PCNX1: variants seen among roughly 807,000 people sequenced by gnomAD.
The protein encoded by PCNX1 is pecanex-like protein 1.
In PCNX1, 78 loss-of-function variants were observed where a neutral mutation model predicts 242.2. That is an observed-to-expected ratio of 0.32 (90% CI 0.27 to 0.39). The LOEUF is 0.39. Ranked by LOEUF, PCNX1 falls within the 10% of genes least tolerant of loss-of-function variation. The pLI is 1.00. For synonymous variants in PCNX1, 1,024 were observed against 1,032.9 expected (o/e 0.99, Z 0.17); for missense variants, 2,581 against 2,856.5 (o/e 0.90, Z 2.20).
At chr14:70,968,104 CA>C in intron 3 of PCNX1, 93 bp from the exon 4 acceptor site, 1 of 851,288 alleles carries the variant, frequency 1.2e-6, no homozygotes, top group East Asian at 2.5e-5. Context: ...ATGTTTTGAT[CA>C]TATAATTTTG....
intron 25 of PCNX1, 53 bp from the exon 26 acceptor site, chr14:71,057,456 T>C (rs777907312): frequency 1.0e-4 from 112 of 1,111,028 alleles, no homozygotes; most frequent in Non-Finnish European, 1.5e-4. Context: ...CAATCTTGTT[T>C]GTCAAGAGGA....
chr14:70,967,625 T>C (rs1469123495), intron 3 of PCNX1, among the ~76,000 whole-genome samples: 1 of 152,226 alleles, frequency 6.6e-6, no homozygotes, highest in African/African-American at 2.4e-5. Context: ...AATTCATTTT[T>C]CATGGATGCC....
chr14:70,931,894 C>T (rs1444550982), intron 1 of PCNX1, among the ~76,000 whole-genome samples: 5 of 152,184 alleles, frequency 3.3e-5, no homozygotes, highest in East Asian at 1.9e-4. Flanking sequence ...GAGGCCAAGG[C>T]GGGCGGATCG....
rs1319602342 is a variant in PCNX1, at chr14:70,949,233, GTGTA to G, written c.362+2112_362+2115del. Reference sequence around the variant, plus strand: ...CACATGTATATATAGATATATGTATGTGTATATACACACGTGTATACACACACAC... The same window carrying G: ...CACATGTATATATAGATATATGTATGTATACACACGTGTATACACACACAC... On this transcript the variant is annotated intron_variant, in intron 2 of 35. Transcript: ENST00000304743. Among the ~76,000 whole-genome samples, 85 of 138,912 alleles carry G rather than the reference GTGTA, an allele frequency of 6.1e-4. 1 individual carries two copies. The highest frequency in any genetic ancestry group is 2.0e-3 in the African/African-American group (75 of 36,712). The allele number at this position is 138,912 out of a possible 152,430, so 91.1% of individuals were successfully genotyped here. A position where few individuals can be genotyped will look rare whatever the true frequency, so the allele number is the denominator to read the frequency against.
intron 26 of PCNX1, among the ~76,000 whole-genome samples, chr14:71,059,697 T>G (rs1471333800): frequency 6.6e-6 from 1 of 152,146 alleles, no homozygotes; most frequent in Non-Finnish European, 1.5e-5. Flanking sequence ...CCAGCCGGGA[T>G]TTTTTTAAAG....
intron 3 of PCNX1, among the ~76,000 whole-genome samples, chr14:70,965,704 A>G (rs2810099): frequency 0.7 from 104,825 of 149,376 alleles, 36,814 homozygotes; most frequent in South Asian, 0.77. Context: ...AAAAATTGCC[A>G]TAGGAATGGT....
chr14:70,998,710 C>T (rs150100165), intron 8 of PCNX1, among the ~76,000 whole-genome samples: 3,786 of 146,654 alleles, frequency 0.026, 67 homozygotes, highest in Middle Eastern at 0.04. Context: ...AAGATTGCGC[C>T]GCTGTACTCC....
chr14:71,010,166 A>G (rs2059783534), intron 9 of PCNX1, among the ~76,000 whole-genome samples: 1 of 152,134 alleles, frequency 6.6e-6, no homozygotes, highest in African/African-American at 2.4e-5. Flanking sequence ...TTTTTAAAAC[A>G]AAAGCTATTC....
chr14:71,012,739 A>G (rs1418424909), intron 10 of PCNX1: 1 of 404,876 alleles, frequency 2.5e-6, no homozygotes, highest in Non-Finnish European at 4.5e-6. Flanking sequence ...AGGCTGAGGC[A>G]GAGAATTGCT....
chr14:71,066,811 A>G (rs1397499168), intron 26 of PCNX1, among the ~76,000 whole-genome samples: 1 of 152,176 alleles, frequency 6.6e-6, no homozygotes, highest in East Asian at 1.9e-4. Context: ...GAGAGGTTTT[A>G]GCATGAAGGG....
intron 5 of PCNX1, among the ~76,000 whole-genome samples, chr14:70,972,142 A>G (rs892384096): frequency 6.6e-6 from 1 of 152,114 alleles, no homozygotes; most frequent in Admixed American, 6.5e-5. Flanking sequence ...GGATTTGGAT[A>G]TACTATGTGA....
At chr14:71,093,613 T>G (rs1042386080) in intron 30 of PCNX1, 1 of 152,228 alleles carries the variant, frequency 6.6e-6, no homozygotes, top group African/African-American at 2.4e-5. Context: ...GAAGAAGAAT[T>G]GGTACTATAT....
At chr14:70,983,725 G>A (rs1339182435) in intron 6 of PCNX1, among the ~76,000 whole-genome samples, 1 of 151,454 alleles carries the variant, frequency 6.6e-6, no homozygotes, top group African/African-American at 2.4e-5. Flanking sequence ...TAGAAATTGG[G>A]CAGTGTTTGG....
At chr14:71,027,089 G>A in intron 15 of PCNX1, 1 of 429,672 alleles carries the variant, frequency 2.3e-6, no homozygotes, top group East Asian at 4.1e-5. Flanking sequence ...GAAAGAGCCA[G>A]GTATAATGAA....
intron 1 of PCNX1, among the ~76,000 whole-genome samples, chr14:70,938,811 G>A (rs1258249802): frequency 6.6e-6 from 1 of 152,118 alleles, no homozygotes; most frequent in African/African-American, 2.4e-5. Context: ...TTCAAAGCCT[G>A]CTATTGGTGT....
At chr14:71,077,536 CAAT>C (rs2141484156) in intron 28 of PCNX1, among the ~76,000 whole-genome samples, 1 of 152,250 alleles carries the variant, frequency 6.6e-6, no homozygotes, top group Admixed American at 6.5e-5. Flanking sequence ...TTTACTCCAT[CAAT>C]AAGAACAGGA....
chr14:70,947,060 A>G lies in PCNX1; in HGVS notation c.299A>G (p.Asp100Gly), dbSNP rs145796882. 66 of 1,613,822 alleles carry G rather than the reference A, an allele frequency of 4.1e-5. 1 individual carries two copies. In the Admixed American group the frequency reaches 8.2e-4, roughly 20 times the overall value. ...VVDRTANEFT[D>G]QRTKAEQGNC... The stretch of plus-strand genomic sequence containing the variant: ...GATAGGACTGCAAATGAGTTCACGG[A>G]TCAGCGAACCAAAGCTGAACAAGGC... Residue 100 changes from aspartate to glycine, a missense_variant, in exon 2 of 36, where the codon GAT becomes GGT. Physicochemically the swap from Asp to Gly is moderately conservative, Grantham distance 94. Transcript: ENST00000304743.
chr14:70,984,487 C>G (rs539064473), intron 6 of PCNX1, among the ~76,000 whole-genome samples: 1 of 150,988 alleles, frequency 6.6e-6, no homozygotes, highest in East Asian at 1.9e-4. Flanking sequence ...TCTGAGTTCA[C>G]GCCATTCTCC....
chr14:71,017,349 T>A (rs1347173932), intron 11 of PCNX1, among the ~76,000 whole-genome samples: 2 of 152,138 alleles, frequency 1.3e-5, no homozygotes, highest in Non-Finnish European at 2.9e-5. Flanking sequence ...CAATTGGATT[T>A]CCATATGCAA....
Sources: allele counts gnomAD v4.1 joint callset (sites outside exome capture counted in the v4.1 genomes callset), GRCh38; gene constraint gnomAD v4.1.1; transcripts MANE v1.5; gene names NCBI Gene and HGNC (gene_info 2026-07-23, HGNC 2026-07-21).